Variants in LITAF observed in about 807,000 individuals in gnomAD.
LITAF encodes the protein lipopolysaccharide-induced tumor necrosis factor-alpha factor.
In LITAF, 9 loss-of-function variants were observed where a neutral mutation model predicts 14.5. The observed-to-expected ratio is 0.62, with a 90% CI of 0.37 to 1.08. LITAF has a LOEUF of 1.08. Among genes scored for constraint, LITAF ranks in the 50% least tolerant of loss-of-function variants. The probability of loss-of-function intolerance (pLI) is 0.01; values close to 1 mark genes in which losing one functional copy is unlikely to be tolerated. For synonymous variants in LITAF, 98 were observed against 88.2 expected, an observed-to-expected ratio of 1.11 and a Z score of -0.62; for missense variants, 206 against 213.4, an observed-to-expected ratio of 0.97 and a Z score of 0.22.
chr16:11,549,757 G>A lies in LITAF; in HGVS notation c.378-12C>T. The A allele has an allele frequency of 1.2e-6, 2 of 1,606,584 alleles. No individual in the cohort carries two copies. The highest frequency in any genetic ancestry group is 8.5e-7 in the Non-Finnish European group (1 of 1,174,730). ...AGCCCGCTATGCACCTGGGAGGAGA[G>A]AGAGACACACGGAGCGCGTTACTGA... On this transcript the variant is annotated splice_polypyrimidine_tract_variant and intron_variant, in intron 3 of 3. Coordinates refer to ENST00000622633, the MANE Select transcript of LITAF (RefSeq NM_001136472.2). This position sits in a 1 kb window ranked among gnomAD's most constrained non-coding sequence, Gnocchi z 4.6.
At chr16:11,554,622 G>A (rs1328098173) in intron 2 of LITAF, among the ~76,000 whole-genome samples, 3 of 151,756 alleles carry the variant, frequency 2.0e-5, no homozygotes, top group Non-Finnish European at 4.4e-5. Context: ...GTGAAACCCT[G>A]TTTCTAAAGA....
chr16:11,631,133 G>A (rs999168493), intron 3 of LITAF, among the ~76,000 whole-genome samples: 5 of 152,174 alleles, frequency 3.3e-5, no homozygotes, highest in Non-Finnish European at 5.9e-5. Flanking sequence ...AAATAACCAG[G>A]TCGCCATGGG....
At chr16:11,559,956 C>G (rs1340781091) in intron 1 of LITAF, among the ~76,000 whole-genome samples, 1 of 151,864 alleles carries the variant, frequency 6.6e-6, no homozygotes, top group Non-Finnish European at 1.5e-5. Context: ...CCACTGCACT[C>G]CAGCCTGGGC....
upstream of LITAF, among the ~76,000 whole-genome samples, chr16:11,638,102 A>C (rs1328605916): frequency 1.4e-5 from 2 of 139,396 alleles, no homozygotes; most frequent in Admixed American, 7.6e-5. Context: ...CTATCTATAT[A>C]TATATATCTA....
At chr16:11,623,976 T>G (rs113962704) in intron 3 of LITAF, among the ~76,000 whole-genome samples, 2 of 151,614 alleles carry the variant, frequency 1.3e-5, no homozygotes, top group African/African-American at 2.4e-5. Context: ...TCAAAAAAAA[T>G]TTTTTTAAAA....
intron 1 of LITAF, among the ~76,000 whole-genome samples, chr16:11,574,018 T>TGTTG (rs554221728): frequency 2.7e-5 from 4 of 148,352 alleles, no homozygotes; most frequent in African/African-American, 9.9e-5. Context: ...TGGTTTTTTT[T>TGTTG]TTGTTGTTGT....
chr16:11,624,344 G>T (rs1007342655), intron 3 of LITAF, among the ~76,000 whole-genome samples: 3 of 152,124 alleles, frequency 2.0e-5, no homozygotes, highest in African/African-American at 7.2e-5. Flanking sequence ...TCACTGGTCC[G>T]GTGTGGGTCA....
intron 1 of LITAF, among the ~76,000 whole-genome samples, chr16:11,585,385 C>A (rs1034882678): frequency 1.3e-5 from 2 of 152,112 alleles, no homozygotes; most frequent in African/African-American, 4.8e-5. Flanking sequence ...GGAGATGGGC[C>A]TCCCTCATGG....
At position 11,552,745 on chromosome 16, in the gene LITAF, C is replaced by T. The variant is rs556370838; in HGVS notation, c.377+788G>A. On this transcript the variant is annotated intron_variant, in intron 3 of 3. Coordinates refer to ENST00000622633, the MANE Select transcript of LITAF (RefSeq NM_001136472.2). ...GTTCAGAACACTGGGGAGCGTGGTG[C>T]TCCTAGCATTAAGCGGGTGGGGGCC... Among the ~76,000 whole-genome samples, 7 of 152,258 alleles carry T rather than the reference C, an allele frequency of 4.6e-5. No homozygotes were observed. The East Asian group carries it at 9.7e-4, about 21-fold the overall frequency.
At chr16:11,616,493 G>C (rs1442219997) in intron 3 of LITAF, among the ~76,000 whole-genome samples, 2 of 129,830 alleles carry the variant, frequency 1.5e-5, no homozygotes, top group Non-Finnish European at 3.3e-5. Flanking sequence ...AACAAAACAA[G>C]AAAAAAAAAA....
intron 1 of LITAF, among the ~76,000 whole-genome samples, chr16:11,564,380 T>C (rs1469725551): frequency 1.3e-5 from 2 of 152,084 alleles, no homozygotes; most frequent in East Asian, 3.9e-4. Flanking sequence ...ACAGATCTGC[T>C]TCTAAACAAT....
At chr16:11,614,298 CT>C (rs34958536) in intron 3 of LITAF, among the ~76,000 whole-genome samples, 43,137 of 134,816 alleles carry the variant, frequency 0.32, 8,808 homozygotes, top group African/African-American at 0.6. Context: ...TTTTTCTTTT[CT>C]TTTTTTTTTT....
In LITAF at chr16:11,558,865, C is replaced by A. The variant is rs1284798995; in HGVS notation, c.-5-2130G>T. Among the ~76,000 whole-genome samples, 1 of 152,160 alleles carries A rather than the reference C, an allele frequency of 6.6e-6. No individual in the cohort carries two copies. Among genetic ancestry groups the A allele is most frequent in the Non-Finnish European group, 1.5e-5 (1 of 68,044 alleles). On this transcript the variant is annotated intron_variant, in intron 1 of 3. Transcript: ENST00000622633. This position sits in a 1 kb window ranked among gnomAD's most constrained non-coding sequence, Gnocchi z 4.1. ...AGACTTCTTTCTATCAGAGTGCTGT[C>A]CAACAGAATCTTCTGTGAGGATGGA...
intron 3 of LITAF, among the ~76,000 whole-genome samples, chr16:11,611,249 G>A (rs1204967595): frequency 2.0e-5 from 3 of 152,032 alleles, no homozygotes; most frequent in Non-Finnish European, 4.4e-5. Context: ...AGGCTGAGCT[G>A]GGAGGATGAA....
chr16:11,620,964 T>C (rs2065046677), intron 3 of LITAF, among the ~76,000 whole-genome samples: 3 of 152,148 alleles, frequency 2.0e-5, no homozygotes, highest in Admixed American at 1.3e-4. Flanking sequence ...GGTGCCATCA[T>C]GGCTTACTGC....
upstream of LITAF, among the ~76,000 whole-genome samples, chr16:11,589,518 T>C (rs1385211822): frequency 6.6e-6 from 1 of 152,098 alleles, no homozygotes; most frequent in African/African-American, 2.4e-5. Context: ...GATATGATCC[T>C]ATATGTAAGA....
At chr16:11,577,382 A>G (rs1311943047) in intron 1 of LITAF, among the ~76,000 whole-genome samples, 2 of 149,800 alleles carry the variant, frequency 1.3e-5, no homozygotes, top group Admixed American at 6.7e-5. Context: ...CAGTGGCACA[A>G]TCTCGGCTCA....
rs1338522917 is a variant in LITAF at position 11,566,921 on chromosome 16, T to C, written c.-5-10186A>G. Among the ~76,000 whole-genome samples, 8 of 152,184 alleles carry C rather than the reference T, an allele frequency of 5.3e-5. No individual in the cohort carries two copies. In the East Asian group the frequency reaches 9.6e-4, roughly 18 times the overall value. On this transcript the variant is annotated intron_variant, in intron 1 of 3. Transcript: ENST00000622633. ...ATGTTTATGTAATGACAAGCCTCCATATAGATGGTCTCACAGTTCAGCTCA... is the reference window on the plus strand; with the variant it reads ...ATGTTTATGTAATGACAAGCCTCCACATAGATGGTCTCACAGTTCAGCTCA...
intron 3 of LITAF, among the ~76,000 whole-genome samples, chr16:11,617,424 C>A (rs1333255610): frequency 1.6e-5 from 2 of 127,846 alleles, no homozygotes; most frequent in African/African-American, 5.4e-5. Context: ...TATGGCTTCA[C>A]TCTTTTTTTT....
Sources: gnomAD v4.1 joint callset for allele counts (sites outside exome capture counted in the v4.1 genomes callset) on GRCh38, gnomAD v4.1.1 for gene constraint, Gnocchi (gnomAD v3.1) non-coding constraint, MANE v1.5 for transcripts, NCBI Gene and HGNC (gene_info 2026-07-23, HGNC 2026-07-21) for gene names.